Variants in CDH13 observed in about 807,000 individuals in gnomAD.
CDH13 encodes the protein cadherin-13.
In CDH13, 24 loss-of-function variants were observed where a neutral mutation model predicts 63.8. The observed-to-expected ratio is 0.38, with a 90% CI of 0.27 to 0.53. CDH13 has a LOEUF of 0.53. CDH13 is among the 20% of genes least tolerant of loss of function. CDH13 has a pLI of 0.85. For synonymous variants in CDH13, 503 were observed against 355.3 expected, an observed-to-expected ratio of 1.42 and a Z score of -4.67; for missense variants, 1,049 against 903.1, an observed-to-expected ratio of 1.16 and a Z score of -2.07.
intron 10 of CDH13, among the ~76,000 whole-genome samples, chr16:83,690,977 C>A (rs1261694326): frequency 6.6e-6 from 1 of 152,144 alleles, no homozygotes; most frequent in Admixed American, 6.6e-5. Context: ...CTGCCTCGGC[C>A]TCCCAAAGTG....
At chr16:82,838,458 C>A (rs1295101784) in intron 1 of CDH13, among the ~76,000 whole-genome samples, 8 of 152,148 alleles carry the variant, frequency 5.3e-5, no homozygotes, top group Admixed American at 5.2e-4. Flanking sequence ...CCACACCCTT[C>A]CTGTTTATTG....
At chr16:82,796,510 A>T (rs554203823) in intron 1 of CDH13, among the ~76,000 whole-genome samples, 1 of 152,324 alleles carries the variant, frequency 6.6e-6, no homozygotes, top group East Asian at 1.9e-4. Flanking sequence ...CCATCGTGGA[A>T]TTTACATTCT....
intron 7 of CDH13, among the ~76,000 whole-genome samples, chr16:83,594,656 C>T (rs910325614): frequency 7.9e-5 from 12 of 152,040 alleles, no homozygotes; most frequent in Non-Finnish European, 1.2e-4. Context: ...CAAGACCAGG[C>T]GAGAGAGAGA....
At chr16:83,052,885 G>T (rs8047739) in intron 3 of CDH13, among the ~76,000 whole-genome samples, 1 of 151,922 alleles carries the variant, frequency 6.6e-6, no homozygotes, top group African/African-American at 2.4e-5. Context: ...TTTATAAAGC[G>T]GTGATTGGGA....
chr16:82,930,634 T>C (rs536147236), intron 2 of CDH13, among the ~76,000 whole-genome samples: 1 of 152,276 alleles, frequency 6.6e-6, no homozygotes, highest in East Asian at 1.9e-4. Context: ...TCGAGGTTTG[T>C]AATTATTCTT....
intron 8 of CDH13, among the ~76,000 whole-genome samples, chr16:83,659,414 C>T (rs1000076390): frequency 3.9e-5 from 6 of 152,258 alleles, no homozygotes; most frequent in African/African-American, 7.2e-5. Context: ...GTCCCATGTC[C>T]TCACCAGCAA....
intron 1 of CDH13, among the ~76,000 whole-genome samples, chr16:82,745,836 C>A (rs1254217170): frequency 2.0e-5 from 3 of 152,146 alleles, no homozygotes; most frequent in African/African-American, 7.2e-5. Flanking sequence ...CAGTTTGACA[C>A]TGCAAACACC....
At chr16:83,781,388 C>T (rs1178248384) in intron 12 of CDH13, among the ~76,000 whole-genome samples, 4 of 152,222 alleles carry the variant, frequency 2.6e-5, no homozygotes, top group Non-Finnish European at 5.9e-5. Context: ...CTGTTGACCC[C>T]GTCAGGGTTC....
At chr16:83,119,198 G>C (rs9932446) in intron 3 of CDH13, among the ~76,000 whole-genome samples, 1 of 151,890 alleles carries the variant, frequency 6.6e-6, no homozygotes, top group African/African-American at 2.4e-5. Context: ...TGGTTTTTCT[G>C]CTACGCTGAC....
chr16:83,668,809 A>T (rs896973628), intron 8 of CDH13, among the ~76,000 whole-genome samples: 6 of 152,144 alleles, frequency 3.9e-5, no homozygotes, highest in Non-Finnish European at 7.4e-5. Flanking sequence ...ATATGAAGGG[A>T]TTAGATCACA....
chr16:83,003,420 C>G (rs183706865), intron 2 of CDH13, among the ~76,000 whole-genome samples: 54 of 151,488 alleles, frequency 3.6e-4, no homozygotes, highest in Middle Eastern at 3.4e-3. Flanking sequence ...CTCAAAAATC[C>G]AGGCTCATAA....
chr16:83,777,558 G>A (rs1160522678), intron 11 of CDH13, among the ~76,000 whole-genome samples: 2 of 152,206 alleles, frequency 1.3e-5, no homozygotes, highest in Non-Finnish European at 2.9e-5. Flanking sequence ...CTTGGAGTTG[G>A]CTCTACTGCA....
intron 8 of CDH13, among the ~76,000 whole-genome samples, chr16:83,628,522 C>T (rs150859378): frequency 6.6e-6 from 1 of 152,086 alleles, no homozygotes; most frequent in East Asian, 1.9e-4. Context: ...TCCTACAGAC[C>T]TGGGAGGAAG....
chr16:83,740,469 G>A (rs749599806), intron 10 of CDH13, among the ~76,000 whole-genome samples: 5 of 152,068 alleles, frequency 3.3e-5, no homozygotes, highest in Admixed American at 1.3e-4. Context: ...CAGCTACCTC[G>A]GTCCACTGCA....
chr16:83,304,645 G>A (rs1435258193), intron 5 of CDH13, among the ~76,000 whole-genome samples: 1 of 152,160 alleles, frequency 6.6e-6, no homozygotes, highest in Non-Finnish European at 1.5e-5. Context: ...CATTGGAACA[G>A]GTTCTTTACT....
At chr16:82,841,604 G>A (rs962057587) in intron 1 of CDH13, among the ~76,000 whole-genome samples, 1 of 152,072 alleles carries the variant, frequency 6.6e-6, no homozygotes, top group African/African-American at 2.4e-5. Flanking sequence ...CCAAAATTGT[G>A]GTGGCCCATT....
intron 5 of CDH13, among the ~76,000 whole-genome samples, chr16:83,276,218 T>C (rs1250685246): frequency 6.6e-6 from 1 of 152,156 alleles, no homozygotes; most frequent in African/African-American, 2.4e-5. Context: ...GCTTGATATA[T>C]TTCATTTATC....
intron 1 of CDH13, among the ~76,000 whole-genome samples, chr16:82,734,255 A>G (rs1021966818): frequency 1.3e-5 from 2 of 152,218 alleles, no homozygotes; most frequent in Non-Finnish European, 2.9e-5. Flanking sequence ...TTGTGTTCAA[A>G]TGGCAGAGTT....
chr16:82,863,948 G>A (rs1200528242), intron 2 of CDH13, among the ~76,000 whole-genome samples: 2 of 152,138 alleles, frequency 1.3e-5, no homozygotes, highest in Non-Finnish European at 2.9e-5. Flanking sequence ...GAAGGGAGGG[G>A]AAAACACTAC....
Sources: allele counts gnomAD v4.1 joint callset (sites outside exome capture counted in the v4.1 genomes callset), GRCh38; gene constraint gnomAD v4.1.1; transcripts MANE v1.5; gene names NCBI Gene and HGNC (gene_info 2026-07-23, HGNC 2026-07-21).